MYO1F: variants seen among roughly 807,000 people sequenced by gnomAD.
MYO1F encodes myosin IF.
Under a neutral mutation model 146.6 loss-of-function variants are expected in MYO1F, and 60 were observed. The ratio of observed to expected loss-of-function variants is 0.41; its 90% confidence interval spans 0.33 to 0.51. The LOEUF (loss-of-function observed/expected upper bound fraction) is 0.51. Ranked by LOEUF, MYO1F falls within the 20% of genes least tolerant of loss-of-function variation. The pLI is 0.25. For synonymous variants in MYO1F, 602 were observed against 602.1 expected (o/e 1.00, Z 0.00); for missense variants, 1,274 against 1,534.3 (o/e 0.83, Z 2.83).
At chr19:8,566,351 T>C (rs980316804) in intron 1 of MYO1F, among the ~76,000 whole-genome samples, 8 of 151,234 alleles carry the variant, frequency 5.3e-5, no homozygotes, top group African/African-American at 1.9e-4. Flanking sequence ...GTATTTTTAG[T>C]AGAGATGGGC....
At chr19:8,551,704 G>A in intron 8 of MYO1F, 36 bp downstream of exon 8, 2 of 1,614,058 alleles carry the variant, frequency 1.2e-6, no homozygotes, top group Non-Finnish European at 1.7e-6. Flanking sequence ...GCTGAGGTCT[G>A]CCTGGCCGGG....
At chr19:8,559,566 A>G (rs1330816904) in intron 1 of MYO1F, among the ~76,000 whole-genome samples, 1 of 151,924 alleles carries the variant, frequency 6.6e-6, no homozygotes, top group Non-Finnish European at 1.5e-5. Flanking sequence ...AGGATGAACT[A>G]CTCTGGGGGA....
Position 8,555,654 on chromosome 19 carries a change from G to A in MYO1F, c.141+5C>T. On this transcript the variant is annotated splice_donor_5th_base_variant and intron_variant, in intron 2 of 27. Coordinates refer to ENST00000644032, the MANE Select transcript of MYO1F (RefSeq NM_012335.4). The stretch of plus-strand genomic sequence containing the variant: ...CTGCCCACCCCCAGCCTTGGCCCAG[G>A]GTACGAAGATGTAGTCGTCCATGAA... 3 of 1,614,032 alleles carry A rather than the reference G, an allele frequency of 1.9e-6. No homozygotes were observed. Among genetic ancestry groups the A allele is most frequent in the Non-Finnish European group, 2.5e-6 (3 of 1,180,002 alleles).
At position 8,526,605 on chromosome 19, in the gene MYO1F, T is replaced by TG; in HGVS notation, c.2622-5dup. ...CTTCTTCACCCGAAACTGTAGTCTA[T>TG]GGGGAGAGAAGAAAGCTTGGGGGCG... On this transcript the variant is annotated splice_polypyrimidine_tract_variant and splice_region_variant and intron_variant, in intron 23 of 27. Transcript: ENST00000644032. 6.3e-7 allele frequency: 1 copy of TG among 1,592,290 alleles called. No homozygotes were observed. Among genetic ancestry groups the TG allele is most frequent in the Non-Finnish European group, 8.5e-7 (1 of 1,171,666 alleles).
intron 1 of MYO1F, among the ~76,000 whole-genome samples, chr19:8,557,679 G>C (rs78144891): frequency 6.6e-6 from 1 of 152,098 alleles, no homozygotes; most frequent in Admixed American, 6.6e-5. Context: ...AGGATGCCAG[G>C]CTTGGCGGGC....
Position 8,577,099 on chromosome 19 carries a change from TG to T in MYO1F, c.3+207del. 1.5e-6 allele frequency: 1 copy of T among 657,778 alleles called. No homozygotes were observed. The highest frequency in any genetic ancestry group is 2.7e-6 in the Non-Finnish European group (1 of 366,804). 40.7% of individuals were successfully genotyped at this position (657,778 alleles called of 1,614,324 possible). On this transcript the variant is annotated intron_variant, in intron 1 of 27. Coordinates refer to ENST00000644032, the MANE Select transcript of MYO1F (RefSeq NM_012335.4). This position sits in a 1 kb window ranked among gnomAD's most constrained non-coding sequence, Gnocchi z 4.3. ...ATCCTTGGATCCAGGGATACCACCC[TG>T]GCATCCCCACCACCTACAGATGGGA...
chr19:8,570,211 T>C (rs530829291), intron 1 of MYO1F, among the ~76,000 whole-genome samples: 22 of 152,134 alleles, frequency 1.4e-4, no homozygotes, highest in Admixed American at 7.2e-4. Flanking sequence ...TAGCTGGGAT[T>C]ACAGGCGTGC....
chr19:8,550,707 G>A lies in MYO1F; in HGVS notation c.772-13C>T, dbSNP rs140756462. 1.8e-4 allele frequency: 287 copies of A among 1,613,796 alleles called. No individual in the cohort carries two copies. In the African/African-American group the frequency reaches 3.5e-3, roughly 20 times the overall value. ...CCTGCATAGCACTCTGTGGTACAAC[G>A]GGGGCAGAAACTGTGCCGTGAATCC... On this transcript the variant is annotated splice_polypyrimidine_tract_variant and intron_variant, in intron 8 of 27. Coordinates refer to ENST00000644032, the MANE Select transcript of MYO1F (RefSeq NM_012335.4).
At chr19:8,570,579 C>T (rs1392490260) in intron 1 of MYO1F, among the ~76,000 whole-genome samples, 1 of 152,020 alleles carries the variant, frequency 6.6e-6, no homozygotes, top group Admixed American at 6.6e-5. Context: ...GTTGGCCAGG[C>T]TGGTCTTGAA....
At chr19:8,566,622 T>C (rs1251764946) in intron 1 of MYO1F, among the ~76,000 whole-genome samples, 1 of 151,526 alleles carries the variant, frequency 6.6e-6, no homozygotes, top group African/African-American at 2.4e-5. Flanking sequence ...CAAGCGATTC[T>C]CCTGCCTCAG....
intron 15 of MYO1F, 32 bp from the exon 16 acceptor site, chr19:8,540,060 G>T: frequency 1.9e-6 from 3 of 1,580,676 alleles, no homozygotes; most frequent in Non-Finnish European, 2.6e-6. Flanking sequence ...AGGAGTTGGA[G>T]GTATGGCTAG....
rs369349036 is a variant in MYO1F at position 8,553,433 on chromosome 19, C to T, written c.331G>A (p.Glu111Lys). Residue 111 changes from glutamate to lysine, a missense_variant, in exon 5 of 28, where the codon GAG becomes AAG. By Grantham distance (56) the Glu-to-Lys change is moderately conservative (BLOSUM62 1). Around this residue, in one of 2 missense-constraint regions of MYO1F, gnomAD observed 900 missense variants for 1,155.1 expected, o/e 0.78. Transcript: ENST00000644032. ...CENQCVIISG[E>K]SGAGKTVAAK... The stretch of plus-strand genomic sequence containing the variant: ...GCCACTGTCTTCCCAGCTCCACTCT[C>T]TCCACTGGGGATGAATGGAGGAATA... 1.2e-6 allele frequency: 2 copies of T among 1,613,618 alleles called. No individual in the cohort carries two copies. The highest frequency in any genetic ancestry group is 1.7e-5 in the Admixed American group (1 of 60,004).
intron 14 of MYO1F, chr19:8,543,930 G>GTGGTGGTGC: frequency 4.0e-6 from 1 of 251,156 alleles, no homozygotes; most frequent in Non-Finnish European, 7.2e-6. Context: ...GGTGGTGGTG[G>GTGGTGGTGC]TGGTGGTGCT....
At position 8,522,019 on chromosome 19, in the gene MYO1F, G is replaced by C. The variant is rs1475506701; in HGVS notation, c.3220+358C>G. On this transcript the variant is annotated intron_variant, in intron 27 of 27. Coordinates refer to ENST00000644032, the MANE Select transcript of MYO1F (RefSeq NM_012335.4). ...GGGTCTGCCTGGCAATGTCAGTCAG[G>C]GTTCTTTTTTTTTTTTTTTTTGAGA... Among the ~76,000 whole-genome samples the C allele has an allele frequency of 2.3e-5, 3 of 130,666 alleles. No homozygotes were observed. In the East Asian group the frequency reaches 7.2e-4, roughly 31 times the overall value. The allele number at this position is 130,666 out of a possible 152,430, so 85.7% of individuals were successfully genotyped here.
At chr19:8,528,023 AC>A (rs1972339364) in intron 21 of MYO1F, among the ~76,000 whole-genome samples, 1 of 152,086 alleles carries the variant, frequency 6.6e-6, no homozygotes. Context: ...GGAGTTTGAA[AC>A]CAGGCTGACC....
At chr19:8,561,501 TTC>T (rs1360338438) in intron 1 of MYO1F, among the ~76,000 whole-genome samples, 3 of 142,844 alleles carry the variant, frequency 2.1e-5, no homozygotes, top group Non-Finnish European at 4.6e-5. Context: ...GTTCTCTTTC[TTC>T]TCTCTCATTC....
At chr19:8,526,315 A>G (rs1187077309) in intron 24 of MYO1F, 138 bp downstream of exon 24, 2 of 1,327,884 alleles carry the variant, frequency 1.5e-6, no homozygotes, top group East Asian at 5.1e-5. Context: ...CGACAGAGTG[A>G]GACTCCGTCT....
intron 22 of MYO1F, 136 bp downstream of exon 22, chr19:8,527,202 T>A: frequency 8.0e-7 from 1 of 1,257,250 alleles, no homozygotes; most frequent in Non-Finnish European, 1.1e-6. Context: ...CAGGTGAACA[T>A]GACAGGTGGG....
rs375553102 is a variant in MYO1F at position 8,554,635 on chromosome 19, C to A, written c.231+19G>T. 7.1e-5 allele frequency: 115 copies of A among 1,612,854 alleles called. No individual in the cohort carries two copies. Among genetic ancestry groups the A allele is most frequent in the Non-Finnish European group, 9.2e-5 (109 of 1,179,086 alleles). The stretch of plus-strand genomic sequence containing the variant: ...CCAGGAGTCTGGGGGCTGTGCCTCC[C>A]ACCCAGCCCCAGCCTCACCGCGCCC... On this transcript the variant is annotated intron_variant, in intron 3 of 27. Transcript: ENST00000644032.
Sources: gnomAD v4.1 joint callset for allele counts (sites outside exome capture counted in the v4.1 genomes callset) on GRCh38, gnomAD v4.1.1 for gene constraint, gnomAD v4.1.1 regional missense constraint, Gnocchi (gnomAD v3.1) non-coding constraint, MANE v1.5 for transcripts, NCBI Gene and HGNC (gene_info 2026-07-23, HGNC 2026-07-21) for gene names.